Variants in QTGAL observed in about 807,000 individuals in gnomAD.
The protein encoded by QTGAL is BGnT-like protein 1.
chr17:83,007,330 T>A, the QTGAL span: 1 of 954,962 alleles, frequency 1.0e-6, no homozygotes, highest in Non-Finnish European at 1.2e-6. Flanking sequence ...ATTTCTAAAC[T>A]GTTTGGTGTG....
chr17:82,950,824 G>A, the QTGAL span, among the ~76,000 whole-genome samples: 15 of 152,286 alleles, frequency 9.8e-5, no homozygotes, highest in African/African-American at 3.6e-4. Flanking sequence ...TCTGAGCACT[G>A]GGCCTAACGG....
chr17:83,028,695 G>A, the QTGAL span, among the ~76,000 whole-genome samples: 3 of 152,234 alleles, frequency 2.0e-5, no homozygotes, highest in South Asian at 2.1e-4. Flanking sequence ...AGAACAGTAC[G>A]AACGCCGGAA....
chr17:82,942,309 G>A, the QTGAL span: 7 of 1,223,494 alleles, frequency 5.7e-6, no homozygotes, highest in Non-Finnish European at 7.0e-6. Context: ...AGGCTGCCGG[G>A]TGTGTGGGAA....
At chr17:83,043,605 G>C in the QTGAL span, among the ~76,000 whole-genome samples, 2 of 152,016 alleles carry the variant, frequency 1.3e-5, no homozygotes, top group Non-Finnish European at 2.9e-5. Flanking sequence ...ACCTTAAGAA[G>C]CTAGAAAAAG....
At chr17:83,034,873 C>T in the QTGAL span, among the ~76,000 whole-genome samples, 30,863 of 152,164 alleles carry the variant, frequency 0.2, 3,295 homozygotes, top group Non-Finnish European at 0.24. Flanking sequence ...TACCCAGTCT[C>T]GGCTATGTCC....
At chr17:82,953,404 GAA>G in the QTGAL span, among the ~76,000 whole-genome samples, 3 of 152,060 alleles carry the variant, frequency 2.0e-5, no homozygotes, top group African/African-American at 7.2e-5. Context: ...AAATAAACTA[GAA>G]AATCTAGACG....
the QTGAL span, among the ~76,000 whole-genome samples, chr17:83,023,730 G>A: frequency 1.3e-5 from 2 of 152,166 alleles, no homozygotes; most frequent in South Asian, 4.1e-4. Flanking sequence ...GCATGCTGGG[G>A]AGGCGCCAGA....
the QTGAL span, chr17:82,956,893 C>T: frequency 3.6e-5 from 43 of 1,190,228 alleles, no homozygotes; most frequent in Admixed American, 4.0e-5. This position sits in a 1 kb window ranked among gnomAD's most constrained non-coding sequence, Gnocchi z 5.7. Flanking sequence ...CAGCAGATAA[C>T]GTGCCAGGGT....
the QTGAL span, chr17:82,946,913 T>A: frequency 6.4e-7 from 1 of 1,566,842 alleles, no homozygotes; most frequent in East Asian, 2.4e-5. Flanking sequence ...TCAGCTGAAG[T>A]GAAGGAAGTC....
At chr17:82,958,225 A>T in the QTGAL span, among the ~76,000 whole-genome samples, 2 of 152,188 alleles carry the variant, frequency 1.3e-5, no homozygotes, top group Non-Finnish European at 2.9e-5. Context: ...GGGGCAGGGG[A>T]TGCAGAGGCC....
the QTGAL span, among the ~76,000 whole-genome samples, chr17:82,971,185 G>C: frequency 6.6e-6 from 1 of 152,188 alleles, no homozygotes; most frequent in Non-Finnish European, 1.5e-5. Flanking sequence ...TTATATCCAG[G>C]CCGGTCTGTG....
chr17:82,965,670 G>A, the QTGAL span: 16,217 of 1,610,442 alleles, frequency 0.01, 125 homozygotes, highest in Non-Finnish European at 0.013. Context: ...CTCGTTAAAG[G>A]GGCCCACGTG....
At chr17:82,951,407 G>GC in the QTGAL span, among the ~76,000 whole-genome samples, 1 of 152,316 alleles carries the variant, frequency 6.6e-6, no homozygotes, top group Non-Finnish European at 1.5e-5. Flanking sequence ...ACATCATTCA[G>GC]CCTTCACAGA....
chr17:82,970,381 T>C, the QTGAL span, among the ~76,000 whole-genome samples: 1 of 152,260 alleles, frequency 6.6e-6, no homozygotes, highest in African/African-American at 2.4e-5. Context: ...AGCAACCATT[T>C]AGCTTCCTGT....
chr17:82,953,321 A>G, the QTGAL span, among the ~76,000 whole-genome samples: 474 of 152,318 alleles, frequency 3.1e-3, 2 homozygotes, highest in African/African-American at 0.011. Flanking sequence ...ATAAAAAAAG[A>G]TAAAGGGGCT....
At chr17:82,985,370 A>G in the QTGAL span, among the ~76,000 whole-genome samples, 1 of 152,240 alleles carries the variant, frequency 6.6e-6, no homozygotes. Flanking sequence ...ATTTCTGTTA[A>G]TGTAACAGCT....
At chr17:82,942,306 C>T in the QTGAL span, 41 of 1,198,004 alleles carry the variant, frequency 3.4e-5, no homozygotes, top group South Asian at 9.5e-5. Context: ...CTCAGGCTGC[C>T]GGGTGTGTGG....
the QTGAL span, among the ~76,000 whole-genome samples, chr17:83,016,225 T>C: frequency 6.6e-6 from 1 of 152,194 alleles, no homozygotes; most frequent in Non-Finnish European, 1.5e-5. Context: ...GAGTAAAAGG[T>C]ACAAATGTAC....
chr17:83,006,017 T>C, the QTGAL span: 1 of 1,053,542 alleles, frequency 9.5e-7, no homozygotes, highest in Non-Finnish European at 1.1e-6. This position sits in a 1 kb window ranked among gnomAD's most constrained non-coding sequence, Gnocchi z 5.8. Flanking sequence ...AGAGGGCACC[T>C]GGGCGCGTCC....
Sources: allele counts gnomAD v4.1 joint callset (sites outside exome capture counted in the v4.1 genomes callset), GRCh38; gene constraint gnomAD v4.1.1; non-coding constraint Gnocchi (gnomAD v3.1); transcripts MANE v1.5; gene names NCBI Gene and HGNC (gene_info 2026-07-23, HGNC 2026-07-21).